Variants in LRMDA observed in about 807,000 individuals in gnomAD.
LRMDA encodes leucine rich melanocyte differentiation associated, also known as leucine-rich melanocyte differentiation-associated protein.
Under a neutral mutation model 29.8 loss-of-function variants are expected in LRMDA, and 18 were observed. The observed-to-expected ratio is 0.60, with a 90% CI of 0.42 to 0.90. The LOEUF (loss-of-function observed/expected upper bound fraction) is 0.90. Among genes scored for constraint, LRMDA ranks in the 40% least tolerant of loss-of-function variants. The pLI is 0.00. For missense variants in LRMDA, 273 were observed against 273.9 expected (o/e 1.00, Z 0.02); for synonymous variants, 125 against 109.4 (o/e 1.14, Z -0.89).
intron 2 of LRMDA, among the ~76,000 whole-genome samples, chr10:75,620,288 G>A (rs1226426673): frequency 6.6e-6 from 1 of 152,160 alleles, no homozygotes; most frequent in Non-Finnish European, 1.5e-5. Context: ...GTACAATTCA[G>A]GCATGTATGC....
chr10:76,321,545 TA>T (rs1840771451), intron 5 of LRMDA, among the ~76,000 whole-genome samples: 2 of 147,390 alleles, frequency 1.4e-5, no homozygotes, highest in African/African-American at 5.2e-5. Flanking sequence ...TTTTTTTTTT[TA>T]AATTTGGATA....
At chr10:76,051,170 C>A (rs148366102) in intron 4 of LRMDA, among the ~76,000 whole-genome samples, 1 of 152,348 alleles carries the variant, frequency 6.6e-6, no homozygotes, top group South Asian at 2.1e-4. Context: ...ATTTCCCAGA[C>A]GAATAGGAGC....
chr10:76,139,329 A>G (rs1352021489), intron 5 of LRMDA, among the ~76,000 whole-genome samples: 2 of 152,178 alleles, frequency 1.3e-5, no homozygotes, highest in African/African-American at 4.8e-5. Context: ...CTTCAACTAC[A>G]TCATATTTAG....
intron 6 of LRMDA, among the ~76,000 whole-genome samples, chr10:76,364,832 C>G (rs1344193338): frequency 6.6e-6 from 1 of 151,546 alleles, no homozygotes; most frequent in African/African-American, 2.4e-5. Flanking sequence ...CATTTGTAGT[C>G]TTTTATCCCT....
intron 6 of LRMDA, among the ~76,000 whole-genome samples, chr10:76,548,382 G>A (rs1467874781): frequency 6.6e-6 from 1 of 150,586 alleles, no homozygotes; most frequent in Non-Finnish European, 1.5e-5. Context: ...TTATAGGACA[G>A]TATAAGCAAT....
chr10:75,571,734 A>G (rs533167068), intron 2 of LRMDA, among the ~76,000 whole-genome samples: 3 of 152,268 alleles, frequency 2.0e-5, no homozygotes, highest in East Asian at 1.9e-4. Flanking sequence ...CAAGTCTACA[A>G]GAGACTTTTG....
chr10:76,385,404 G>A (rs1841647330), intron 6 of LRMDA, among the ~76,000 whole-genome samples: 1 of 152,150 alleles, frequency 6.6e-6, no homozygotes. Context: ...CTCATCACAG[G>A]TCGGTATCCT....
chr10:75,769,152 C>T (rs904361123), intron 2 of LRMDA, among the ~76,000 whole-genome samples: 1 of 152,230 alleles, frequency 6.6e-6, no homozygotes, highest in Non-Finnish European at 1.5e-5. Flanking sequence ...AGAAGTTTAA[C>T]TCTGAGGACA....
chr10:76,298,356 C>G (rs761878639), intron 5 of LRMDA, among the ~76,000 whole-genome samples: 7 of 152,176 alleles, frequency 4.6e-5, no homozygotes, highest in Non-Finnish European at 1.0e-4. Context: ...TCAGCTGCTT[C>G]CAAGCAGCAT....
intron 6 of LRMDA, among the ~76,000 whole-genome samples, chr10:76,384,524 A>C (rs1464216194): frequency 6.6e-6 from 1 of 152,184 alleles, no homozygotes; most frequent in Admixed American, 6.5e-5. Context: ...CTCTCCAGTA[A>C]GGCTCTTTCT....
intron 2 of LRMDA, among the ~76,000 whole-genome samples, chr10:75,804,735 G>A (rs1220856606): frequency 6.6e-6 from 1 of 152,186 alleles, no homozygotes; most frequent in Non-Finnish European, 1.5e-5. Flanking sequence ...AATTTGGGCT[G>A]GCAGCAGCCC....
chr10:75,679,996 A>G (rs1842005173), intron 2 of LRMDA, among the ~76,000 whole-genome samples: 1 of 152,238 alleles, frequency 6.6e-6, no homozygotes, highest in Non-Finnish European at 1.5e-5. Context: ...AAACGCAGTC[A>G]GTCTGACTAG....
At chr10:75,695,869 T>C (rs1211791326) in intron 2 of LRMDA, among the ~76,000 whole-genome samples, 1 of 152,158 alleles carries the variant, frequency 6.6e-6, no homozygotes, top group Non-Finnish European at 1.5e-5. Flanking sequence ...CTATACCTCT[T>C]CTCTACTCTT....
At chr10:75,595,872 TTTTCAGAGATGATTCTC>T (rs1227150412) in intron 2 of LRMDA, among the ~76,000 whole-genome samples, 1 of 30,550 alleles carries the variant, frequency 3.3e-5, no homozygotes, top group Non-Finnish European at 2.0e-4. Context: ...GGTTACCACA[TTTTCAGAGATGATTCTC>T]TTCATTTTTT....
chr10:75,881,983 C>G (rs1845302655), intron 2 of LRMDA, among the ~76,000 whole-genome samples: 1 of 152,166 alleles, frequency 6.6e-6, no homozygotes, highest in South Asian at 2.1e-4. Flanking sequence ...CGATGGAGGT[C>G]TGGATTTTCC....
chr10:76,109,028 C>T (rs563198508), intron 5 of LRMDA, among the ~76,000 whole-genome samples: 147 of 152,230 alleles, frequency 9.7e-4, no homozygotes, highest in African/African-American at 3.4e-3. Flanking sequence ...GACCAAAATG[C>T]CATTTCTCCT....
chr10:76,323,920 A>G (rs1441209940), intron 5 of LRMDA, among the ~76,000 whole-genome samples: 2 of 152,174 alleles, frequency 1.3e-5, no homozygotes, highest in South Asian at 4.1e-4. Flanking sequence ...ATCCTTTCCT[A>G]TGGTGACTTC....
intron 2 of LRMDA, among the ~76,000 whole-genome samples, chr10:75,615,282 T>A (rs1254712370): frequency 6.6e-6 from 1 of 152,186 alleles, no homozygotes; most frequent in Non-Finnish European, 1.5e-5. Flanking sequence ...CAAGACCACA[T>A]ACAGGTTGAG....
At chr10:75,892,214 A>G (rs1323190389) in intron 2 of LRMDA, among the ~76,000 whole-genome samples, 4 of 152,214 alleles carry the variant, frequency 2.6e-5, no homozygotes, top group Non-Finnish European at 4.4e-5. Flanking sequence ...ATATTCATCA[A>G]TTGCAGCAAA....
Sources: gnomAD v4.1 joint callset for allele counts (sites outside exome capture counted in the v4.1 genomes callset) on GRCh38, gnomAD v4.1.1 for gene constraint, MANE v1.5 for transcripts, NCBI Gene and HGNC (gene_info 2026-07-23, HGNC 2026-07-21) for gene names.